IPMK: variants seen among roughly 807,000 people sequenced by gnomAD.
IPMK encodes inositol 1,3,4,6-tetrakisphosphate 5-kinase.
Under a neutral mutation model 45.8 loss-of-function variants are expected in IPMK, and 17 were observed. That is an observed-to-expected ratio of 0.37 (90% CI 0.25 to 0.56). IPMK has a LOEUF of 0.56. Ranked by LOEUF, IPMK falls within the 20% of genes least tolerant of loss-of-function variation. The pLI, the probability that IPMK is intolerant of heterozygous loss-of-function variation, is 0.79. For synonymous variants in IPMK, 180 were observed against 184.3 expected (o/e 0.98, Z 0.19); for missense variants, 399 against 498.0 (o/e 0.80, Z 1.89).
At chr10:58,225,139 C>T (rs1838393736) in intron 3 of IPMK, among the ~76,000 whole-genome samples, 1 of 152,094 alleles carries the variant, frequency 6.6e-6, no homozygotes, top group African/African-American at 2.4e-5. Context: ...TTACATTTTT[C>T]CTCTCTTCAC....
chr10:58,237,458 G>A (rs546064490), intron 2 of IPMK, among the ~76,000 whole-genome samples: 1 of 152,268 alleles, frequency 6.6e-6, no homozygotes, highest in South Asian at 2.1e-4. Context: ...TTGACAAAAT[G>A]TTGCCTCACA....
chr10:58,196,299 T>C lies in IPMK; in HGVS notation c.1028A>G (p.Asp343Gly). 1 of 1,614,200 alleles carries C rather than the reference T, an allele frequency of 6.2e-7. No homozygotes were observed. The highest frequency in any genetic ancestry group is 8.5e-7 in the Non-Finnish European group (1 of 1,180,022). The change falls in exon 6 of 6, where the codon GAC (aspartate) becomes GGC (glycine). Residue 343 changes from aspartate to glycine, a missense_variant. By Grantham distance (94) the Asp-to-Gly change is moderately conservative. Transcript: ENST00000373935. Reference sequence around the variant, plus strand: ...CTGTGACATGCTTTTCCACCCATTGTCTTGCTCCAGATTTTCAACTTTCAA... The same window carrying C: ...CTGTGACATGCTTTTCCACCCATTGCCTTGCTCCAGATTTTCAACTTTCAA... The part of the protein sequence containing the change: ...TSLKVENLEQ[D>G]NGWKSMSQEH...
At chr10:58,240,819 G>T (rs145072290) in intron 1 of IPMK, among the ~76,000 whole-genome samples, 1 of 152,232 alleles carries the variant, frequency 6.6e-6, no homozygotes, top group East Asian at 1.9e-4. Context: ...ACTCCCAGAA[G>T]TTGCAAACAC....
chr10:58,258,344 A>T (rs1430814362), intron 1 of IPMK, among the ~76,000 whole-genome samples: 2 of 152,178 alleles, frequency 1.3e-5, no homozygotes, highest in Non-Finnish European at 2.9e-5. Context: ...ATTAGTAATG[A>T]TATATAAAAC....
At chr10:58,251,134 G>C (rs1838873586) in intron 1 of IPMK, among the ~76,000 whole-genome samples, 1 of 152,088 alleles carries the variant, frequency 6.6e-6, no homozygotes, top group Non-Finnish European at 1.5e-5. Context: ...AGTGTTTATT[G>C]CTAAAAACTT....
At chr10:58,204,413 A>C (rs992059813) in intron 4 of IPMK, among the ~76,000 whole-genome samples, 1 of 152,150 alleles carries the variant, frequency 6.6e-6, no homozygotes, top group Admixed American at 6.6e-5. Flanking sequence ...TCATTTTGCG[A>C]CTTCTTTGCA....
chr10:58,240,186 T>A (rs555079185), intron 1 of IPMK, among the ~76,000 whole-genome samples: 1 of 151,970 alleles, frequency 6.6e-6, no homozygotes, highest in South Asian at 2.1e-4. Flanking sequence ...CTAAACAGAT[T>A]AGGTATTTCA....
At chr10:58,197,855 A>C (rs1396251479) in intron 5 of IPMK, among the ~76,000 whole-genome samples, 1 of 152,012 alleles carries the variant, frequency 6.6e-6, no homozygotes. Context: ...CAACATGGTA[A>C]AACCTCGTCT....
chr10:58,205,446 C>T lies in IPMK; in HGVS notation c.547-6125G>A, dbSNP rs371240523. On this transcript the variant is annotated intron_variant, in intron 4 of 5. Transcript: ENST00000373935. Reference sequence around the variant, plus strand: ...CATTAATCATTAGAGAAAGGCAAATCAAAACCACAAGGAGATGCTACTCGA... The same window carrying T: ...CATTAATCATTAGAGAAAGGCAAATTAAAACCACAAGGAGATGCTACTCGA... 1.7e-3 allele frequency among the ~76,000 whole-genome samples: 262 copies of T among 152,150 alleles called. 1 individual carries two copies. The highest frequency in any genetic ancestry group is 6.2e-3 in the African/African-American group (256 of 41,528).
intron 4 of IPMK, among the ~76,000 whole-genome samples, chr10:58,215,511 T>A: frequency 6.6e-6 from 1 of 151,736 alleles, no homozygotes; most frequent in Non-Finnish European, 1.5e-5. Flanking sequence ...TGGGCTCAAG[T>A]GATCCTCCCA....
chr10:58,258,045 T>C (rs373355132), intron 1 of IPMK, among the ~76,000 whole-genome samples: 9 of 152,280 alleles, frequency 5.9e-5, no homozygotes, highest in African/African-American at 2.2e-4. Context: ...GCGTGGTGGC[T>C]CACACCTGTA....
intron 1 of IPMK, 102 bp downstream of exon 1, chr10:58,267,320 G>A (rs541157284): frequency 2.6e-6 from 3 of 1,158,030 alleles, no homozygotes; most frequent in African/African-American, 1.5e-5. Flanking sequence ...GTGCACACCA[G>A]GGGGGCGTCC....
chr10:58,204,445 A>C, intron 4 of IPMK, among the ~76,000 whole-genome samples: 1 of 152,148 alleles, frequency 6.6e-6, no homozygotes, highest in East Asian at 1.9e-4. Context: ...GCTGATCCTA[A>C]AATTCATGTG....
chr10:58,259,049 G>A (rs187848528), intron 1 of IPMK, among the ~76,000 whole-genome samples: 9 of 152,214 alleles, frequency 5.9e-5, no homozygotes, highest in African/African-American at 1.9e-4. Context: ...AGAACTTTGT[G>A]GTGCTGAATT....
Position 58,267,322 on chromosome 10 carries a change from G to C in IPMK, c.190+100C>G, listed in dbSNP as rs559914854. 5.1e-6 allele frequency: 6 copies of C among 1,175,696 alleles called. No individual in the cohort carries two copies. In the South Asian group the frequency reaches 6.3e-5, roughly 12 times the overall value. 72.8% of individuals were successfully genotyped at this position (1,175,696 alleles called of 1,614,324 possible). ...CCAGGGATTTGGCGTGCACACCAGG[G>C]GGGCGTCCAGGCAGGCCCGAGAGCG... is the stretch of plus-strand genomic sequence containing the variant. On this transcript the variant is annotated intron_variant, in intron 1 of 5. Coordinates refer to ENST00000373935, the MANE Select transcript of IPMK (RefSeq NM_152230.5).
intron 1 of IPMK, among the ~76,000 whole-genome samples, chr10:58,263,546 C>T (rs1050277338): frequency 3.3e-5 from 5 of 151,926 alleles, no homozygotes; most frequent in African/African-American, 1.2e-4. Context: ...TTAGCCTGGC[C>T]TAGTGGTGTG....
intron 4 of IPMK, among the ~76,000 whole-genome samples, chr10:58,211,588 G>A (rs1588954581): frequency 6.6e-6 from 1 of 151,878 alleles, no homozygotes; most frequent in Non-Finnish European, 1.5e-5. Flanking sequence ...TGGGCACAGT[G>A]GCTCATGCTT....
chr10:58,242,582 T>C (rs1472524300), intron 1 of IPMK, among the ~76,000 whole-genome samples: 1 of 152,112 alleles, frequency 6.6e-6, no homozygotes, highest in Non-Finnish European at 1.5e-5. Context: ...GAAAGCTTTC[T>C]ACAGGCTCAT....
chr10:58,253,499 C>T (rs571173742), intron 1 of IPMK, among the ~76,000 whole-genome samples: 108 of 152,140 alleles, frequency 7.1e-4, no homozygotes, highest in African/African-American at 2.4e-3. Flanking sequence ...GAGGACGAAG[C>T]AGGCAGACTG....
Sources: allele counts gnomAD v4.1 joint callset (sites outside exome capture counted in the v4.1 genomes callset), GRCh38; gene constraint gnomAD v4.1.1; transcripts MANE v1.5; gene names NCBI Gene and HGNC (gene_info 2026-07-23, HGNC 2026-07-21).